Variants in GPM6B observed in about 807,000 individuals in gnomAD.
The protein encoded by GPM6B is glycoprotein M6B.
GPM6B carries 4 observed loss-of-function variants against 27.2 expected under a neutral mutation model. The ratio of observed to expected loss-of-function variants is 0.15; its 90% confidence interval spans 0.07 to 0.34. The LOEUF (loss-of-function observed/expected upper bound fraction) is 0.34. Ranked by LOEUF, GPM6B falls within the 10% of genes least tolerant of loss-of-function variation. GPM6B has a pLI of 1.00. For synonymous variants in GPM6B, 124 were observed against 103.1 expected, an observed-to-expected ratio of 1.20 and a Z score of -1.23; for missense variants, 183 against 261.9, an observed-to-expected ratio of 0.70 and a Z score of 2.08.
At chrX:13,807,135 A>G (rs1041703028) in intron 2 of GPM6B, among the ~76,000 whole-genome samples, 79 of 112,334 alleles carry the variant, frequency 7.0e-4, no homozygotes, top group African/African-American at 2.6e-3. Flanking sequence ...TGGTTATCCA[A>G]TCCTACTTTC....
intron 1 of GPM6B, among the ~76,000 whole-genome samples, chrX:13,903,489 ATAGT>A (rs1448149148): frequency 8.9e-6 from 1 of 112,206 alleles, no homozygotes; most frequent in Non-Finnish European, 1.9e-5. Context: ...CCCAAAGCAC[ATAGT>A]TAGCAGAATA....
chrX:13,790,791 C>T (rs1276107483), intron 2 of GPM6B, among the ~76,000 whole-genome samples: 1 of 112,161 alleles, frequency 8.9e-6, no homozygotes, highest in Non-Finnish European at 1.9e-5. Context: ...TGGAATTTTT[C>T]ATGCTTTAGT....
intron 7 of GPM6B, chrX:13,773,238 A>C (rs2048333694): frequency 6.7e-6 from 2 of 297,758 alleles, no homozygotes; most frequent in Non-Finnish European, 5.8e-6. Flanking sequence ...GTTAGTATAC[A>C]AACATAGTGA....
intron 1 of GPM6B, among the ~76,000 whole-genome samples, chrX:13,899,591 A>G (rs887035801): frequency 9.0e-6 from 1 of 110,528 alleles, no homozygotes; most frequent in African/African-American, 3.3e-5. Context: ...CTAGTAGTCT[A>G]TTTGTGTCAG....
chrX:13,778,420 CTCT>C (rs2048456278), intron 5 of GPM6B, among the ~76,000 whole-genome samples: 1 of 112,477 alleles, frequency 8.9e-6, no homozygotes, highest in South Asian at 3.6e-4. Flanking sequence ...TCTATGATTT[CTCT>C]CTCACTTAAA....
chrX:13,937,469 A>G (rs940710638), intron 1 of GPM6B, among the ~76,000 whole-genome samples: 85 of 111,820 alleles, frequency 7.6e-4, no homozygotes, highest in African/African-American at 2.7e-3. Flanking sequence ...AGCCCTCACC[A>G]TTAACTCGCA....
intron 1 of GPM6B, among the ~76,000 whole-genome samples, chrX:13,838,451 G>A (rs1213273996): frequency 8.9e-6 from 1 of 112,685 alleles, no homozygotes; most frequent in African/African-American, 3.2e-5. Flanking sequence ...ATCTGGCTCA[G>A]ACTGAATTCT....
intron 7 of GPM6B, among the ~76,000 whole-genome samples, chrX:13,775,301 G>A (rs1309457683): frequency 8.8e-6 from 1 of 113,216 alleles, no homozygotes; most frequent in Non-Finnish European, 1.9e-5. Context: ...TTCTTTCGCA[G>A]TTATTAGCAG....
intron 3 of GPM6B, 119 bp downstream of exon 3, chrX:13,785,503 G>T (rs1029426260): frequency 2.3e-5 from 15 of 663,695 alleles, no homozygotes; most frequent in Non-Finnish European, 3.3e-5. Flanking sequence ...GGCCAGGCTG[G>T]TCTTGAACTC....
At chrX:13,910,436 C>T (rs756079298) in intron 1 of GPM6B, among the ~76,000 whole-genome samples, 4 of 112,932 alleles carry the variant, frequency 3.5e-5, no homozygotes, top group South Asian at 3.6e-4. Context: ...AAAGGAAGAC[C>T]GTTGATGACT....
At chrX:13,849,783 G>A (rs978554819) in intron 1 of GPM6B, among the ~76,000 whole-genome samples, 19 of 110,236 alleles carry the variant, frequency 1.7e-4, no homozygotes, top group Middle Eastern at 4.6e-3. Context: ...ATATAGGCCC[G>A]GTGTGGTGGC....
intron 2 of GPM6B, among the ~76,000 whole-genome samples, chrX:13,797,726 C>G (rs1288514517): frequency 2.7e-5 from 3 of 111,214 alleles, no homozygotes; most frequent in African/African-American, 6.6e-5. Context: ...GGTGCAAGCT[C>G]AACTCTTCAG....
chrX:13,832,327 C>A (rs774076981), intron 1 of GPM6B, among the ~76,000 whole-genome samples: 1 of 112,338 alleles, frequency 8.9e-6, no homozygotes, highest in African/African-American at 3.2e-5. Flanking sequence ...TACAGAAGAA[C>A]GTGACTATCC....
chrX:13,860,541 T>C (rs2049833069), intron 1 of GPM6B, among the ~76,000 whole-genome samples: 1 of 109,402 alleles, frequency 9.1e-6, no homozygotes, highest in Non-Finnish European at 1.9e-5. Flanking sequence ...ACTCTTACCC[T>C]TTTCATACTA....
intron 1 of GPM6B, among the ~76,000 whole-genome samples, chrX:13,879,439 G>A (rs1055951679): frequency 1.8e-5 from 2 of 112,036 alleles, no homozygotes; most frequent in Admixed American, 1.9e-4. Flanking sequence ...ACAGCCAGAG[G>A]CTTCTTCCAA....
intron 2 of GPM6B, among the ~76,000 whole-genome samples, chrX:13,807,313 C>T (rs1285433102): frequency 9.0e-6 from 1 of 111,668 alleles, no homozygotes; most frequent in African/African-American, 3.3e-5. Context: ...TGGCCCCCCT[C>T]CCCCATTATT....
At chrX:13,898,097 G>C (rs1409984414) in intron 1 of GPM6B, among the ~76,000 whole-genome samples, 1 of 111,397 alleles carries the variant, frequency 9.0e-6, no homozygotes, top group Non-Finnish European at 1.9e-5. Context: ...ATCTGTATTT[G>C]TCCATGCTGC....
At chrX:13,848,394 C>A (rs978453230) in intron 1 of GPM6B, among the ~76,000 whole-genome samples, 2 of 111,732 alleles carry the variant, frequency 1.8e-5, no homozygotes, top group African/African-American at 3.3e-5. Flanking sequence ...TCCTAGGGAA[C>A]CCGACCTGTG....
intron 1 of GPM6B, among the ~76,000 whole-genome samples, chrX:13,877,123 C>T (rs1343106156): frequency 9.0e-6 from 1 of 111,504 alleles, no homozygotes; most frequent in Non-Finnish European, 1.9e-5. Flanking sequence ...CACTGGGAAA[C>T]GCGTAACAGC....
Sources: gnomAD v4.1 joint callset for allele counts (sites outside exome capture counted in the v4.1 genomes callset) on GRCh38, gnomAD v4.1.1 for gene constraint, MANE v1.5 for transcripts, NCBI Gene and HGNC (gene_info 2026-07-23, HGNC 2026-07-21) for gene names.